EXOC6B: variants seen among roughly 807,000 people sequenced by gnomAD.
The protein encoded by EXOC6B is exocyst complex component 6B, also known as SEC15 homolog B.
EXOC6B carries 54 observed loss-of-function variants against 113.5 expected under a neutral mutation model. That is an observed-to-expected ratio of 0.48 (90% CI 0.38 to 0.60). The LOEUF (loss-of-function observed/expected upper bound fraction) is 0.60. Ranked by LOEUF, EXOC6B falls within the 20% of genes least tolerant of loss-of-function variation. The probability of loss-of-function intolerance (pLI) is 0.00; values close to 1 mark genes in which losing one functional copy is unlikely to be tolerated. For missense variants in EXOC6B, 797 were observed against 977.5 expected (o/e 0.82, Z 2.46); for synonymous variants, 357 against 339.0 (o/e 1.05, Z -0.58).
At chr2:72,626,733 T>TA (rs199631470) in intron 6 of EXOC6B, among the ~76,000 whole-genome samples, 2,349 of 152,310 alleles carry the variant, frequency 0.015, 83 homozygotes, top group African/African-American at 0.054. Context: ...TACATACCAT[T>TA]AAACACTGCC....
At chr2:72,355,073 C>T (rs1469032067) in intron 19 of EXOC6B, among the ~76,000 whole-genome samples, 2 of 152,122 alleles carry the variant, frequency 1.3e-5, no homozygotes, top group African/African-American at 2.4e-5. Flanking sequence ...AGACTATGGT[C>T]GCTATTTTCA....
At chr2:72,249,495 G>C (rs1420467312) in intron 20 of EXOC6B, among the ~76,000 whole-genome samples, 1 of 145,850 alleles carries the variant, frequency 6.9e-6, no homozygotes, top group Non-Finnish European at 1.5e-5. Context: ...TTTTTAAAAA[G>C]AAAAGAAAAA....
intron 20 of EXOC6B, among the ~76,000 whole-genome samples, chr2:72,278,025 C>T (rs1684904626): frequency 6.6e-6 from 1 of 152,028 alleles, no homozygotes; most frequent in African/African-American, 2.4e-5. Flanking sequence ...GAGCTTTGGC[C>T]TGTTTATACG....
intron 6 of EXOC6B, among the ~76,000 whole-genome samples, chr2:72,581,713 T>C (rs1705236769): frequency 1.3e-5 from 2 of 152,190 alleles, no homozygotes; most frequent in Admixed American, 6.5e-5. Context: ...GGCAGAGAAC[T>C]TGGGACCAAG....
intron 6 of EXOC6B, among the ~76,000 whole-genome samples, chr2:72,576,464 C>A (rs1033440921): frequency 6.6e-6 from 1 of 152,050 alleles, no homozygotes; most frequent in Non-Finnish European, 1.5e-5. Context: ...CTAGAAGGTA[C>A]CTTAATTGCC....
chr2:72,600,995 T>C (rs1487786790), intron 6 of EXOC6B, among the ~76,000 whole-genome samples: 2 of 152,034 alleles, frequency 1.3e-5, no homozygotes, highest in East Asian at 1.9e-4. Context: ...TCATCAAAGA[T>C]ATACAGATAG....
In EXOC6B at chr2:72,413,045, G is replaced by C. The variant is rs556173536; in HGVS notation, c.1981-33175C>G. Reference sequence around the variant, plus strand: ...GCGATCTCAGCTCACTGCAGGCTCCGCCTCCCGGGTTCACGCCATTCTCCT... The same window carrying C: ...GCGATCTCAGCTCACTGCAGGCTCCCCCTCCCGGGTTCACGCCATTCTCCT... On this transcript the variant is annotated intron_variant, in intron 18 of 21. Coordinates refer to ENST00000272427, the MANE Select transcript of EXOC6B (RefSeq NM_015189.3). Among the ~76,000 whole-genome samples the C allele has an allele frequency of 3.3e-5, 5 of 152,070 alleles. No individual in the cohort carries two copies. In the South Asian group the frequency reaches 1.0e-3, roughly 32 times the overall value.
intron 18 of EXOC6B, among the ~76,000 whole-genome samples, chr2:72,399,009 G>GAAAAAAAAA (rs576686166): frequency 2.4e-5 from 3 of 122,658 alleles, no homozygotes; most frequent in African/African-American, 8.0e-5. Flanking sequence ...CAGTGAAAAA[G>GAAAAAAAAA]AAAAAAAAAA....
Position 72,313,849 on chromosome 2 carries a change from G to A in EXOC6B, c.2196+21098C>T, listed in dbSNP as rs148517775. The stretch of plus-strand genomic sequence containing the variant: ...CCCAATCCAAGCATCTATGCAATTA[G>A]CCAGTCATAGATTTAGCAATTAAAT... On this transcript the variant is annotated intron_variant, in intron 20 of 21. Transcript: ENST00000272427. Among the ~76,000 whole-genome samples, 646 of 152,226 alleles carry A rather than the reference G, an allele frequency of 4.2e-3. 7 individuals are homozygous for A. Among genetic ancestry groups the A allele is most frequent in the African/African-American group, 0.015 (624 of 41,526 alleles).
Position 72,512,314 on chromosome 2 carries a change from CGGAA to C in EXOC6B, c.1167+814_1167+817del, listed in dbSNP as rs745543998. On this transcript the variant is annotated intron_variant, in intron 11 of 21. Transcript: ENST00000272427. Reference sequence around the variant, plus strand: ...AAGCATAATCAATCTTTAAGAAACACGGAAGGAAGGAAGGAAGGAAGGAAGGAAG... The same window carrying C: ...AAGCATAATCAATCTTTAAGAAACACGGAAGGAAGGAAGGAAGGAAGGAAG... Among the ~76,000 whole-genome samples, 288 of 107,616 alleles carry C rather than the reference CGGAA, an allele frequency of 2.7e-3. 5 individuals are homozygous for C. Among genetic ancestry groups the C allele is most frequent in the African/African-American group, 6.8e-3 (177 of 26,196 alleles). The allele number at this position is 107,616 out of a possible 152,430, so 70.6% of individuals were successfully genotyped here.
In EXOC6B at chr2:72,534,114, T is replaced by A. The variant is rs182633674; in HGVS notation, c.916-18988A>T. Among the ~76,000 whole-genome samples, 4 of 152,154 alleles carry A rather than the reference T, an allele frequency of 2.6e-5. No homozygotes were observed. In the East Asian group the frequency reaches 7.7e-4, roughly 29 times the overall value. On this transcript the variant is annotated intron_variant, in intron 8 of 21. Coordinates refer to ENST00000272427, the MANE Select transcript of EXOC6B (RefSeq NM_015189.3). Reference sequence around the variant, plus strand: ...TATGTATGAAAGTGCTGTGGGAAAATACAAAGCTCCTAAATTTGAAAGGAT... The same window carrying A: ...TATGTATGAAAGTGCTGTGGGAAAAAACAAAGCTCCTAAATTTGAAAGGAT...
intron 20 of EXOC6B, among the ~76,000 whole-genome samples, chr2:72,275,092 G>T (rs1008765147): frequency 6.6e-6 from 1 of 152,064 alleles, no homozygotes; most frequent in Non-Finnish European, 1.5e-5. Flanking sequence ...CCTTAACCTA[G>T]TACCCACTTG....
intron 20 of EXOC6B, among the ~76,000 whole-genome samples, 157 bp from the exon 21 acceptor site, chr2:72,184,344 A>G (rs1362884203): frequency 6.6e-6 from 1 of 152,246 alleles, no homozygotes; most frequent in Non-Finnish European, 1.5e-5. Flanking sequence ...TATTCTTTCA[A>G]CCAAGAAAAT....
chr2:72,602,590 T>C (rs548114629), intron 6 of EXOC6B, among the ~76,000 whole-genome samples: 51 of 152,290 alleles, frequency 3.3e-4, no homozygotes, highest in Non-Finnish European at 5.9e-4. Context: ...AGAACAGCAA[T>C]CTGATATAAA....
intron 8 of EXOC6B, among the ~76,000 whole-genome samples, chr2:72,523,780 C>CAAAAAAAAA (rs11334254): frequency 1.6e-5 from 1 of 63,730 alleles, no homozygotes; most frequent in African/African-American, 6.3e-5. Context: ...GACTCCATCT[C>CAAAAAAAAA]AAAAAAAAAA....
At chr2:72,236,783 G>T (rs571572728) in intron 20 of EXOC6B, among the ~76,000 whole-genome samples, 1 of 151,970 alleles carries the variant, frequency 6.6e-6, no homozygotes, top group African/African-American at 2.4e-5. Flanking sequence ...AGCAAAGAGG[G>T]CTATCAAAAT....
chr2:72,453,659 A>G (rs1293564703), intron 18 of EXOC6B, among the ~76,000 whole-genome samples: 1 of 152,190 alleles, frequency 6.6e-6, no homozygotes. Flanking sequence ...TTTATATAAC[A>G]GTTTGCCTAT....
At chr2:72,691,511 G>T (rs1250377523) in intron 6 of EXOC6B, among the ~76,000 whole-genome samples, 1 of 151,834 alleles carries the variant, frequency 6.6e-6, no homozygotes, top group Non-Finnish European at 1.5e-5. Flanking sequence ...TTATGAATAT[G>T]AAGTTGAATA....
intron 6 of EXOC6B, among the ~76,000 whole-genome samples, chr2:72,650,309 T>C (rs1056464424): frequency 4.6e-5 from 7 of 151,952 alleles, no homozygotes; most frequent in African/African-American, 7.3e-5. Context: ...TTTTAGAAAA[T>C]AGATAAAAGA....
Sources: allele counts gnomAD v4.1 joint callset (sites outside exome capture counted in the v4.1 genomes callset), GRCh38; gene constraint gnomAD v4.1.1; transcripts MANE v1.5; gene names NCBI Gene and HGNC (gene_info 2026-07-23, HGNC 2026-07-21).